Variants in PLXNA3 observed in about 807,000 individuals in gnomAD.
PLXNA3 encodes the protein plexin-A3.
Under a neutral mutation model 118.8 loss-of-function variants are expected in PLXNA3, and 52 were observed. The ratio of observed to expected loss-of-function variants is 0.44; its 90% confidence interval spans 0.35 to 0.55. The LOEUF is 0.55. Ranked by LOEUF, PLXNA3 falls within the 20% of genes least tolerant of loss-of-function variation. The probability of loss-of-function intolerance (pLI) is 0.01; values close to 1 mark genes in which losing one functional copy is unlikely to be tolerated. For missense variants in PLXNA3, 1,660 were observed against 1,730.8 expected, an observed-to-expected ratio of 0.96 and a Z score of 0.73; for synonymous variants, 925 against 762.4, an observed-to-expected ratio of 1.21 and a Z score of -3.51.
At position 154,460,597 on chromosome X, in the gene PLXNA3, G is replaced by T. The variant is rs1557203593; in HGVS notation, c.414G>T (p.Lys138Asn). 1 of 1,200,774 alleles carries T rather than the reference G, an allele frequency of 8.3e-7. No homozygotes were observed. The highest frequency in any genetic ancestry group is 2.2e-5 in the Admixed American group (1 of 45,198). ...LFKLGEPHHR[K>N]EHYLSGAQEP... The stretch of plus-strand genomic sequence containing the variant: ...AGCTGGGTGAGCCGCACCACCGCAA[G>T]GAGCACTACCTGTCGGGGGCCCAGG... The change falls in exon 2 of 33, where the codon AAG (lysine) becomes AAT (asparagine). Residue 138 changes from lysine to asparagine, a missense_variant. Lys to Asn is a moderately conservative substitution (Grantham distance 94). Coordinates refer to ENST00000369682, the MANE Select transcript of PLXNA3 (RefSeq NM_017514.5).
At position 154,463,698 on chromosome X, in the gene PLXNA3, CG is replaced by C; in HGVS notation, c.1547+12del. The C allele has an allele frequency of 8.5e-7, 1 of 1,174,626 alleles. No individual in the cohort carries two copies. The highest frequency in any genetic ancestry group is 1.1e-6 in the Non-Finnish European group (1 of 872,376). ...GTGTGTGCTGCGACACAGGTGAGGG[CG>C]GGGACCCCTGCTCGGGGAGTTGGAG... On this transcript the variant is annotated intron_variant, in intron 6 of 32. Coordinates refer to ENST00000369682, the MANE Select transcript of PLXNA3 (RefSeq NM_017514.5).
Position 154,467,849 on chromosome X carries a change from G to T in PLXNA3, c.3668G>T (p.Gly1223Val), listed in dbSNP as rs1374494947. Residue 1223 changes from glycine (G) to valine (V), a missense_variant, in exon 21 of 33, where the codon GGG (glycine) becomes GTG (valine). Physicochemically the swap from Gly to Val is moderately radical, Grantham distance 109 (BLOSUM62 -3). Coordinates refer to ENST00000369682, the MANE Select transcript of PLXNA3 (RefSeq NM_017514.5). ...GCGCTGACCCTACCGGCCATGATGG[G>T]GCTGGCGGCGGGGGGTGGGCTCCTG... Reference protein sequence around the residue: ...ERALTLPAMMGLAAGGGLLLL... With the variant: ...ERALTLPAMMVLAAGGGLLLL... The T allele has an allele frequency of 8.3e-7, 1 of 1,205,666 alleles. No homozygotes were observed. The highest frequency in any genetic ancestry group is 1.1e-6 in the Non-Finnish European group (1 of 894,765).
rs1557208241 is a variant in PLXNA3, at chrX:154,468,443, C to T, written c.4104C>T (p.Thr1368=). Residue 1368 remains threonine, a synonymous_variant, in exon 23 of 33, where the codon ACC becomes ACT. Transcript: ENST00000369682. Reference sequence around the variant, plus strand: ...ACCGCGGCACCGTGGCCTCGCTCACCATGGTGGCCCTGCAGAGCCGGCTCG... The same window carrying T: ...ACCGCGGCACCGTGGCCTCGCTCACTATGGTGGCCCTGCAGAGCCGGCTCG... ...MRDRGTVASL[T]MVALQSRLDY... 8.3e-7 allele frequency: 1 copy of T among 1,210,316 alleles called. No individual in the cohort carries two copies. The highest frequency in any genetic ancestry group is 1.1e-6 in the Non-Finnish European group (1 of 895,366).
In PLXNA3 at chrX:154,476,930, GAA is replaced by G. The variant is rs1318500429; in HGVS notation, c.*4246_*4247del. 3 of 111,908 alleles carry G rather than the reference GAA, an allele frequency of 2.7e-5. No individual in the cohort carries two copies. The highest frequency in any genetic ancestry group is 2.8e-4 in the East Asian group (1 of 3,591). 9.2% of individuals were successfully genotyped at this position (111,908 alleles called of 1,213,427 possible). A position where few individuals can be genotyped will look rare whatever the true frequency, so the allele number is the denominator to read the frequency against. Reference sequence around the variant, plus strand: ...AGTTTGCAGGGCGGAGAACCAGAGAGAAGAGAGCTGCACAGGGAAAGAACCCT... The same window carrying G: ...AGTTTGCAGGGCGGAGAACCAGAGAGGAGAGCTGCACAGGGAAAGAACCCT... On this transcript the variant is annotated 3_prime_UTR_variant, in exon 33 of 33. Coordinates refer to ENST00000369682, the MANE Select transcript of PLXNA3 (RefSeq NM_017514.5).
chrX:154,460,086 G>A lies in PLXNA3; in HGVS notation c.-27-71G>A. ...CACGGTGGCCATCTGGGGCTTTGGC[G>A]GGGTGGTGGGTGAATGGCCCAGCCC... On this transcript the variant is annotated intron_variant, in intron 1 of 32. Coordinates refer to ENST00000369682, the MANE Select transcript of PLXNA3 (RefSeq NM_017514.5). 7 of 570,243 alleles carry A rather than the reference G, an allele frequency of 1.2e-5. No homozygotes were observed. In the South Asian group the frequency reaches 1.4e-4, roughly 12 times the overall value. 47.0% of individuals were successfully genotyped at this position (570,243 alleles called of 1,213,427 possible).
At chrX:154,469,634 C>T (rs1193634049) in intron 27 of PLXNA3, 54 bp from the exon 28 acceptor site, 10 of 1,093,117 alleles carry the variant, frequency 9.1e-6, no homozygotes, top group Non-Finnish European at 1.3e-5. Flanking sequence ...TGGGTGGGGG[C>T]GCCTTGGCTT....
chrX:154,469,170 G>A lies in PLXNA3; in HGVS notation c.4549G>A (p.Gly1517Ser). 1 of 1,211,217 alleles carries A rather than the reference G, an allele frequency of 8.3e-7. No homozygotes were observed. Residue 1517 changes from glycine (G) to serine (S), a missense_variant, in exon 26 of 33, where the codon GGC becomes AGC. Gly to Ser is a moderately conservative substitution (Grantham distance 56). This residue lies in a region of PLXNA3 where 869 missense variants were observed against 1,078.7 expected (regional missense o/e 0.81). Transcript: ENST00000369682. ...TAAGCTGCTGGACACTGTGTACAAGGGCATTCCGTACTCCCAGCGTCCCAA... is the reference window on the plus strand; with the variant it reads ...TAAGCTGCTGGACACTGTGTACAAGAGCATTCCGTACTCCCAGCGTCCCAA... ...KDKLLDTVYK[G>S]IPYSQRPKAE...
In PLXNA3 at chrX:154,468,213, A is replaced by C; in HGVS notation, c.3952A>C (p.Lys1318Gln). Residue 1318 changes from lysine (K) to glutamine (Q), a missense_variant, in exon 22 of 33, where the codon AAG becomes CAG. Around this residue, in one of 2 missense-constraint regions of PLXNA3, gnomAD observed 869 missense variants for 1,078.7 expected, o/e 0.81. Coordinates refer to ENST00000369682, the MANE Select transcript of PLXNA3 (RefSeq NM_017514.5). ...GGGCATCGAGGCCCACCCGGTGCTC[A>C]AGGAGCTGGATGTGAGCCTCTGCCT... ...FPGIEAHPVL[K>Q]ELDTPPNVEK... 1 of 1,179,815 alleles carries C rather than the reference A, an allele frequency of 8.5e-7. No individual in the cohort carries two copies. The highest frequency in any genetic ancestry group is 1.1e-6 in the Non-Finnish European group (1 of 878,217).
intron 17 of PLXNA3, 41 bp downstream of exon 17, chrX:154,466,834 G>C (rs1415794082): frequency 9.1e-7 from 1 of 1,097,971 alleles, no homozygotes; most frequent in South Asian, 2.2e-5. Flanking sequence ...AGTGTCCAGA[G>C]GGCTCAGGGA....
chrX:154,466,619 G>A lies in PLXNA3; in HGVS notation c.2937-4G>A, dbSNP rs371484357. On this transcript the variant is annotated splice_polypyrimidine_tract_variant and splice_region_variant and intron_variant, in intron 16 of 32. Coordinates refer to ENST00000369682, the MANE Select transcript of PLXNA3 (RefSeq NM_017514.5). ...CGCTCCAAGCACCCTGCTTGCCAAT[G>A]TAGGAGAGATGCCAAGGCGATCGTG... 2.7e-5 allele frequency: 33 copies of A among 1,201,825 alleles called. No homozygotes were observed. The African/African-American group carries it at 5.2e-4, about 19-fold the overall frequency.
chrX:154,464,090 G>T lies in PLXNA3; in HGVS notation c.1671+16G>T. 1 of 1,210,929 alleles carries T rather than the reference G, an allele frequency of 8.3e-7. No homozygotes were observed. The highest frequency in any genetic ancestry group is 1.1e-6 in the Non-Finnish European group (1 of 895,077). On this transcript the variant is annotated intron_variant, in intron 7 of 32. Transcript: ENST00000369682. ...TGGGGTGCAGGTGAGCAGCTTGGGG[G>T]TGCCCGGCTGGGTGTGCACATGTGT...
rs1290517543 is a variant in PLXNA3, at chrX:154,458,285, T to C, written c.-171T>C. On this transcript the variant is annotated 5_prime_UTR_variant, in exon 1 of 33. Coordinates refer to ENST00000369682, the MANE Select transcript of PLXNA3 (RefSeq NM_017514.5). ...CGGCGGCCCCCGGGCCAGCCCAGTG[T>C]GTGGGCGGCGGCGGCGGCGGCTGCG... 6 of 107,655 alleles carry C rather than the reference T, an allele frequency of 5.6e-5. No homozygotes were observed. Among genetic ancestry groups the C allele is most frequent in the East Asian group, 3.0e-4 (1 of 3,319 alleles). 8.9% of individuals were successfully genotyped at this position (107,655 alleles called of 1,213,427 possible).
In PLXNA3 at chrX:154,471,120, C is replaced by T. The variant is rs781806626; in HGVS notation, c.5172C>T (p.Phe1724=). ...TTGTCCACAGCCTGCCGCTGCGCTTCTGGGTGAATGTGATCAAGAACCCGC... is the reference window on the plus strand; with the variant it reads ...TTGTCCACAGCCTGCCGCTGCGCTTTTGGGTGAATGTGATCAAGAACCCGC... ...TWKSNCLPLR[F]WVNVIKNPQF... The change falls in exon 31 of 33, where the codon TTC becomes TTT. Residue 1724 remains phenylalanine, a synonymous_variant. Coordinates refer to ENST00000369682, the MANE Select transcript of PLXNA3 (RefSeq NM_017514.5). 3.3e-6 allele frequency: 4 copies of T among 1,210,923 alleles called. No homozygotes were observed. The highest frequency in any genetic ancestry group is 4.5e-6 in the Non-Finnish European group (4 of 895,007).
In PLXNA3 at chrX:154,466,802, C is replaced by T. The variant is rs782445462; in HGVS notation, c.3107+9C>T. 5 of 1,155,829 alleles carry T rather than the reference C, an allele frequency of 4.3e-6. No homozygotes were observed. The highest frequency in any genetic ancestry group is 4.6e-6 in the Non-Finnish European group (4 of 864,934). On this transcript the variant is annotated intron_variant, in intron 17 of 32. Coordinates refer to ENST00000369682, the MANE Select transcript of PLXNA3 (RefSeq NM_017514.5). ...ACCTGGAGCATCATCAAGTAAGACC[C>T]TGGGGGACTGGGGAGCCTGGCAGTG...
Position 154,469,714 on chromosome X carries a change from G to A in PLXNA3, c.4725G>A (p.Leu1575=), listed in dbSNP as rs782613985. Residue 1575 remains leucine (L), a synonymous_variant, in exon 28 of 33, where the codon TTG becomes TTA. Transcript: ENST00000369682. The part of the protein sequence containing the change: ...YQVTDGSLVA[L]VPKQVSAYNM... ...TGACAGACGGTTCCTTGGTGGCATT[G>A]GTGCCCAAACAAGTGTCTGCCTATA... The A allele has an allele frequency of 8.3e-7, 1 of 1,210,735 alleles. No homozygotes were observed. Among genetic ancestry groups the A allele is most frequent in the Non-Finnish European group, 1.1e-6 (1 of 894,501 alleles).
chrX:154,469,167 A>G lies in PLXNA3; in HGVS notation c.4546A>G (p.Lys1516Glu). 1 of 1,211,227 alleles carries G rather than the reference A, an allele frequency of 8.3e-7. No homozygotes were observed. Among genetic ancestry groups the G allele is most frequent in the Non-Finnish European group, 1.1e-6 (1 of 895,448 alleles). Residue 1516 changes from lysine (K) to glutamate (E), a missense_variant, in exon 26 of 33, where the codon AAG becomes GAG. This residue lies in a region of PLXNA3 where 869 missense variants were observed against 1,078.7 expected (regional missense o/e 0.81). Transcript: ENST00000369682. ...AKDKLLDTVYKGIPYSQRPKA... is the reference protein window; with the variant it reads ...AKDKLLDTVYEGIPYSQRPKA... ...AGATAAGCTGCTGGACACTGTGTAC[A>G]AGGGCATTCCGTACTCCCAGCGTCC...
Position 154,467,243 on chromosome X carries a change from G to T in PLXNA3, c.3213G>T (p.Val1071=). The T allele has an allele frequency of 8.3e-7, 1 of 1,210,566 alleles. No homozygotes were observed. The highest frequency in any genetic ancestry group is 1.1e-6 in the Non-Finnish European group (1 of 895,226). ...RGIETTNTCQ[V]INDTAMLCKA... is the part of the protein sequence containing the mutation. The stretch of plus-strand genomic sequence containing the variant: ...CTTTGTCCCCACAGACATGCCAAGT[G>T]ATCAACGACACTGCCATGCTGTGTA... The change falls in exon 19 of 33, where the codon GTG becomes GTT. Residue 1071 remains valine, a synonymous_variant. Coordinates refer to ENST00000369682, the MANE Select transcript of PLXNA3 (RefSeq NM_017514.5).
In PLXNA3 at chrX:154,461,501, C is replaced by A; in HGVS notation, c.997C>A (p.Arg333=). 1.7e-6 allele frequency: 2 copies of A among 1,211,882 alleles called. No homozygotes were observed. The highest frequency in any genetic ancestry group is 2.2e-6 in the Non-Finnish European group (2 of 895,412). ...QGQKNRASPP[R]QTILCLFTLS... ...CCAGAAGAACCGGGCCAGCCCACCC[C>A]GGCAGACCATCCTCTGCCTCTTCAC... Residue 333 remains arginine, a synonymous_variant, in exon 3 of 33, where the codon CGG becomes AGG. Coordinates refer to ENST00000369682, the MANE Select transcript of PLXNA3 (RefSeq NM_017514.5).
chrX:154,471,369 G>A, intron 31 of PLXNA3, 52 bp downstream of exon 31: 1 of 1,165,484 alleles, frequency 8.6e-7, no homozygotes, highest in Non-Finnish European at 1.2e-6. Flanking sequence ...CCCCTCCCTG[G>A]GCTGCCTGTG....
Sources: gnomAD v4.1 joint callset for allele counts on GRCh38, gnomAD v4.1.1 for gene constraint, gnomAD v4.1.1 regional missense constraint, MANE v1.5 for transcripts, NCBI Gene and HGNC (gene_info 2026-07-23, HGNC 2026-07-21) for gene names.